RBBP8: variants seen among roughly 807,000 people sequenced by gnomAD.
RBBP8 encodes DNA endonuclease RBBP8.
A neutral mutation model predicts 108.3 loss-of-function variants in RBBP8; 88 were observed. That is an observed-to-expected ratio of 0.81 (90% CI 0.68 to 0.97). The LOEUF is 0.97. Ranked by LOEUF, RBBP8 falls within the 50% of genes least tolerant of loss-of-function variation. The pLI is 0.00. For synonymous variants in RBBP8, 332 were observed against 348.2 expected, an observed-to-expected ratio of 0.95 and a Z score of 0.52; for missense variants, 1,023 against 1,049.0, an observed-to-expected ratio of 0.98 and a Z score of 0.34.
intron 3 of RBBP8, among the ~76,000 whole-genome samples, chr18:22,949,359 T>C (rs1598650678): frequency 1.3e-5 from 2 of 152,154 alleles, no homozygotes; most frequent in East Asian, 3.8e-4. Context: ...ATATGCAAAA[T>C]AATAAAATAA....
At chr18:23,003,763 G>A (rs2045986970) in intron 15 of RBBP8, among the ~76,000 whole-genome samples, 1 of 152,162 alleles carries the variant, frequency 6.6e-6, no homozygotes, top group African/African-American at 2.4e-5. Flanking sequence ...TGGTGACAAT[G>A]TAAATTAGTA....
At chr18:23,011,308 CA>C (rs1185452947) in intron 16 of RBBP8, among the ~76,000 whole-genome samples, 9 of 152,282 alleles carry the variant, frequency 5.9e-5, no homozygotes, top group African/African-American at 1.9e-4. Flanking sequence ...ACAAATCTGT[CA>C]GCGGCATTTT....
At chr18:23,009,449 CT>C (rs962693334) in intron 16 of RBBP8, among the ~76,000 whole-genome samples, 17 of 149,884 alleles carry the variant, frequency 1.1e-4, no homozygotes, top group Middle Eastern at 7.0e-3. Flanking sequence ...CCTTATTTTG[CT>C]TTTGATTTTT....
At chr18:22,957,291 C>CTTTTTTTTTTTTTTTTTTTTTTTTTTTTT (rs11418623) in intron 4 of RBBP8, among the ~76,000 whole-genome samples, 2 of 92,842 alleles carry the variant, frequency 2.2e-5, no homozygotes, top group Non-Finnish European at 1.9e-5. Context: ...ATTACTTTTT[C>CTTTTTTTTTTTTTTTTTTTTTTTTTTTTT]TTTTTTTTTT....
chr18:22,992,288 C>T (rs1325721096), intron 10 of RBBP8, among the ~76,000 whole-genome samples: 1 of 152,188 alleles, frequency 6.6e-6, no homozygotes, highest in Non-Finnish European at 1.5e-5. Context: ...CTCCACCTCC[C>T]AGGTTCAAGT....
intron 12 of RBBP8, among the ~76,000 whole-genome samples, chr18:22,994,205 A>G (rs1195887351): frequency 1.4e-5 from 2 of 146,630 alleles, no homozygotes; most frequent in Non-Finnish European, 3.0e-5. Flanking sequence ...TTGTATTTTT[A>G]GTAGAGACGG....
chr18:22,980,504 C>T (rs1186718582), intron 6 of RBBP8, among the ~76,000 whole-genome samples: 2 of 151,926 alleles, frequency 1.3e-5, no homozygotes, highest in Non-Finnish European at 2.9e-5. Context: ...TGGGAGTATG[C>T]TTGGTGTGTT....
intron 17 of RBBP8, 49 bp from the exon 18 acceptor site, chr18:23,022,080 C>G: frequency 7.1e-7 from 1 of 1,416,720 alleles, no homozygotes; most frequent in East Asian, 2.3e-5. Flanking sequence ...AAGCATAACA[C>G]TCCATTTATT....
chr18:23,022,107 A>G lies in RBBP8; in HGVS notation c.2455-22A>G, dbSNP rs564375681. ...CCATTTATTATTCTTTAGTGAAAAA[A>G]CTTACCAGTTTTTATTATTAGTATT... On this transcript the variant is annotated intron_variant, in intron 17 of 18. Transcript: ENST00000327155. 55 of 1,562,892 alleles carry G rather than the reference A, an allele frequency of 3.5e-5. No individual in the cohort carries two copies. The East Asian group carries it at 6.3e-4, about 18-fold the overall frequency.
intron 2 of RBBP8, among the ~76,000 whole-genome samples, chr18:22,938,686 G>A (rs1480320332): frequency 1.3e-5 from 2 of 152,136 alleles, no homozygotes; most frequent in Non-Finnish European, 2.9e-5. Context: ...TTACCCACTT[G>A]CTCTGTGATC....
intron 2 of RBBP8, 27 bp downstream of exon 2, chr18:22,936,987 G>A (rs770402777): frequency 4.3e-6 from 7 of 1,612,594 alleles, no homozygotes; most frequent in Admixed American, 1.7e-5. Flanking sequence ...AATACTTACA[G>A]CAGTATTTTG....
At chr18:23,014,756 C>A (rs1049206431) in intron 16 of RBBP8, among the ~76,000 whole-genome samples, 1 of 152,182 alleles carries the variant, frequency 6.6e-6, no homozygotes, top group South Asian at 2.1e-4. Context: ...CCTAGGTTTC[C>A]GTGATTCACA....
At chr18:22,916,744 T>G (rs779184614) in intron 2 of RBBP8, among the ~76,000 whole-genome samples, 17 of 152,290 alleles carry the variant, frequency 1.1e-4, no homozygotes, top group South Asian at 8.3e-4. Context: ...TGTTTCAGAC[T>G]GATGAAAGCC....
Position 22,992,738 on chromosome 18 carries a change from CTTTA to C in RBBP8, c.921-5_921-2del. 1.3e-6 allele frequency: 2 copies of C among 1,569,986 alleles called. No individual in the cohort carries two copies. Among genetic ancestry groups the C allele is most frequent in the Non-Finnish European group, 1.8e-6 (2 of 1,140,906 alleles). On this transcript the variant is annotated splice_region_variant and splice_polypyrimidine_tract_variant and intron_variant, in intron 10 of 18. Coordinates refer to ENST00000327155, the MANE Select transcript of RBBP8 (RefSeq NM_002894.3). The stretch of plus-strand genomic sequence containing the variant: ...TCTGTATTAAAGAATTGTTATCACT[CTTTA>C]TTTAGATTTTCAGATTCTACTTCAA...
intron 6 of RBBP8, among the ~76,000 whole-genome samples, chr18:22,976,973 A>G (rs1459406884): frequency 6.6e-6 from 1 of 152,112 alleles, no homozygotes; most frequent in Non-Finnish European, 1.5e-5. Context: ...TGAAATTCAA[A>G]TTTTAGAAAA....
Position 22,991,042 on chromosome 18 carries a change from A to G in RBBP8, c.913A>G (p.Ser305Gly), listed in dbSNP as rs1347802001. 6.2e-7 allele frequency: 1 copy of G among 1,607,294 alleles called. No individual in the cohort carries two copies. The highest frequency in any genetic ancestry group is 8.5e-7 in the Non-Finnish European group (1 of 1,174,510). ...FEESTRNTED[S>G]LRFSDSTSKT... ...GGAATCTACAAGAAATACTGAAGAT[A>G]GTTTAAGGTAATTAAGGGCACGTTG... is the stretch of plus-strand genomic sequence containing the variant. Residue 305 changes from serine to glycine, a missense_variant, in exon 10 of 19, where the codon AGT (serine) becomes GGT (glycine). Ser to Gly is a moderately conservative substitution (Grantham distance 56). Transcript: ENST00000327155.
At chr18:23,007,021 CTT>C (rs540477870) in intron 16 of RBBP8, among the ~76,000 whole-genome samples, 31 of 134,686 alleles carry the variant, frequency 2.3e-4, no homozygotes, top group Admixed American at 3.0e-4. Flanking sequence ...GTGTGTATTT[CTT>C]TTTTTTTTTT....
chr18:22,953,559 C>T (rs1362573810), intron 4 of RBBP8, among the ~76,000 whole-genome samples: 1 of 152,096 alleles, frequency 6.6e-6, no homozygotes, highest in East Asian at 1.9e-4. Context: ...CCAGTGTCTT[C>T]AAAACACTCT....
intron 4 of RBBP8, among the ~76,000 whole-genome samples, chr18:22,953,144 G>A (rs567268729): frequency 3.9e-5 from 6 of 152,318 alleles, no homozygotes; most frequent in Admixed American, 3.3e-4. Flanking sequence ...AGAGGGAAGA[G>A]GATACTGTAC....
Sources: gnomAD v4.1 joint callset for allele counts (sites outside exome capture counted in the v4.1 genomes callset) on GRCh38, gnomAD v4.1.1 for gene constraint, MANE v1.5 for transcripts, NCBI Gene and HGNC (gene_info 2026-07-23, HGNC 2026-07-21) for gene names.